Variants in PSEN1 observed in about 807,000 individuals in gnomAD.
The protein encoded by PSEN1 is presenilin 1.
A neutral mutation model predicts 53.5 loss-of-function variants in PSEN1; 15 were observed. The ratio of observed to expected loss-of-function variants is 0.28; its 90% CI spans 0.19 to 0.43. The LOEUF (loss-of-function observed/expected upper bound fraction) is 0.43. Ranked by LOEUF, PSEN1 falls within the 20% of genes least tolerant of loss-of-function variation. The pLI, the probability that PSEN1 is intolerant of heterozygous loss-of-function variation, is 1.00. For synonymous variants in PSEN1, 208 were observed against 209.8 expected (o/e 0.99, Z 0.08); for missense variants, 387 against 571.2 (o/e 0.68, Z 3.29).
intron 5 of PSEN1, among the ~76,000 whole-genome samples, chr14:73,175,742 G>T (rs1392472918): frequency 6.6e-6 from 1 of 152,124 alleles, no homozygotes; most frequent in African/African-American, 2.4e-5. Flanking sequence ...TTAAAAAACA[G>T]TAATATCTGT....
intron 1 of PSEN1, among the ~76,000 whole-genome samples, chr14:73,141,935 C>T (rs1315833150): frequency 2.0e-5 from 3 of 151,004 alleles, no homozygotes; most frequent in African/African-American, 7.3e-5. Flanking sequence ...GGCGTGGTGG[C>T]GGGCACCTGT....
At position 73,170,657 on chromosome 14, in the gene PSEN1, A is replaced by G; in HGVS notation, c.88-140A>G. ...TAGATAATCTAGACTTTTAAACTGCATACTTCCTGTACATTGTTTTTTCTT... is the reference window on the plus strand; with the variant it reads ...TAGATAATCTAGACTTTTAAACTGCGTACTTCCTGTACATTGTTTTTTCTT... On this transcript the variant is annotated intron_variant, in intron 3 of 11. Transcript: ENST00000324501. 6 of 884,744 alleles carry G rather than the reference A, an allele frequency of 6.8e-6. No individual in the cohort carries two copies. The South Asian group carries it at 9.1e-5, about 13-fold the overall frequency. The allele number at this position is 884,744 out of a possible 1,614,324, so 54.8% of individuals were successfully genotyped here.
At chr14:73,218,810 G>A (rs1489366148) in intron 11 of PSEN1, among the ~76,000 whole-genome samples, 2 of 151,532 alleles carry the variant, frequency 1.3e-5, no homozygotes, top group Admixed American at 1.3e-4. Flanking sequence ...TAAAATCACA[G>A]AGGCCAACAC....
rs972176537 is a variant in PSEN1 at position 73,185,041 on chromosome 14, A to C, written c.481-1812A>C. 6.7e-4 allele frequency among the ~76,000 whole-genome samples: 99 copies of C among 147,928 alleles called. 1 individual carries two copies. Among genetic ancestry groups the C allele is most frequent in the Admixed American group, 6.2e-3 (93 of 14,912 alleles). On this transcript the variant is annotated intron_variant, in intron 5 of 11. Coordinates refer to ENST00000324501, the MANE Select transcript of PSEN1 (RefSeq NM_000021.4). ...GGCAGAGACGCTCCTCACTTCCTAGATGTGATGGCAGCCGGGCAGAGGTGC... is the reference window on the plus strand; with the variant it reads ...GGCAGAGACGCTCCTCACTTCCTAGCTGTGATGGCAGCCGGGCAGAGGTGC...
intron 1 of PSEN1, among the ~76,000 whole-genome samples, chr14:73,147,078 T>C (rs528833403): frequency 1.3e-5 from 2 of 150,216 alleles, no homozygotes; most frequent in East Asian, 3.9e-4. Context: ...CTCCACCTCC[T>C]GGGTTCAAGC....
At chr14:73,162,447 G>GCTCTCTCT (rs35573180) in intron 3 of PSEN1, among the ~76,000 whole-genome samples, 2 of 146,112 alleles carry the variant, frequency 1.4e-5, no homozygotes, top group South Asian at 4.4e-4. Flanking sequence ...TCGCTCGCGC[G>GCTCTCTCT]CTCTCTCTCT....
chr14:73,202,464 T>TATA (rs1899263554), intron 8 of PSEN1, among the ~76,000 whole-genome samples: 7 of 19,288 alleles, frequency 3.6e-4, no homozygotes, highest in Non-Finnish European at 6.3e-4. Flanking sequence ...ATATATATAT[T>TATA]TTTTTTTTTT....
At chr14:73,202,674 G>A (rs533368800) in intron 8 of PSEN1, among the ~76,000 whole-genome samples, 163 of 150,216 alleles carry the variant, frequency 1.1e-3, no homozygotes, top group Middle Eastern at 6.8e-3. Context: ...GGGTTTCACC[G>A]TGTTAGCCAG....
intron 5 of PSEN1, among the ~76,000 whole-genome samples, chr14:73,185,180 C>A (rs1435866229): frequency 7.4e-6 from 1 of 135,516 alleles, no homozygotes; most frequent in African/African-American, 2.7e-5. Context: ...CAGGCAGAGA[C>A]GCTCCTCACT....
intron 10 of PSEN1, 62 bp from the exon 11 acceptor site, chr14:73,217,064 G>C (rs1378963075): frequency 1.9e-6 from 3 of 1,565,138 alleles, no homozygotes; most frequent in Non-Finnish European, 2.6e-6. Flanking sequence ...TGATATTTTT[G>C]AATTGTGAAA....
chr14:73,180,024 G>C (rs899752366), intron 5 of PSEN1, among the ~76,000 whole-genome samples: 6 of 150,890 alleles, frequency 4.0e-5, no homozygotes, highest in Non-Finnish European at 1.5e-5. Flanking sequence ...TCAGTCTCTC[G>C]CCCAGGCTGG....
chr14:73,140,860 C>CCTT (rs1238499339), intron 1 of PSEN1, among the ~76,000 whole-genome samples: 1 of 152,174 alleles, frequency 6.6e-6, no homozygotes, highest in Non-Finnish European at 1.5e-5. Flanking sequence ...CAGACCTCCC[C>CCTT]CAAACTCAGC....
At chr14:73,151,878 T>TTTTA (rs1321315363) in intron 3 of PSEN1, among the ~76,000 whole-genome samples, 3 of 56,908 alleles carry the variant, frequency 5.3e-5, no homozygotes, top group African/African-American at 1.8e-4. Flanking sequence ...CTAAAATATT[T>TTTTA]TATATATATA....
rs1256315148 is a variant in PSEN1, at chr14:73,222,065, T to C, written c.*2776T>C. On this transcript the variant is annotated 3_prime_UTR_variant, in exon 12 of 12. Coordinates refer to ENST00000324501, the MANE Select transcript of PSEN1 (RefSeq NM_000021.4). Reference sequence around the variant, plus strand: ...ATGCCTATGGGAATACCAATCATATTTGGAAGATTTGCAGATTTTTTTTCA... The same window carrying C: ...ATGCCTATGGGAATACCAATCATATCTGGAAGATTTGCAGATTTTTTTTCA... 3 of 152,210 alleles carry C rather than the reference T, an allele frequency of 2.0e-5. No homozygotes were observed. Among genetic ancestry groups the C allele is most frequent in the Admixed American group, 1.3e-4 (2 of 15,278 alleles). The allele number at this position is 152,210 out of a possible 1,614,324, so 9.4% of individuals were successfully genotyped here.
intron 9 of PSEN1, among the ~76,000 whole-genome samples, chr14:73,207,232 G>A (rs1411000548): frequency 6.6e-6 from 1 of 152,032 alleles, no homozygotes; most frequent in African/African-American, 2.4e-5. Flanking sequence ...ACATATTAAG[G>A]AGAACACAAG....
rs1198304796 is a variant in PSEN1, at chr14:73,184,106, A to AC, written c.481-2738dup. Among the ~76,000 whole-genome samples, 105 of 49,322 alleles carry AC rather than the reference A, an allele frequency of 2.1e-3. 5 individuals are homozygous for AC. The highest frequency in any genetic ancestry group is 4.8e-3 in the South Asian group (6 of 1,260). The allele number at this position is 49,322 out of a possible 152,430, so 32.4% of individuals were successfully genotyped here. ...GGGCGGCTGGCCGGGCGGGGGGCTG[A>AC]CCCCCCCCCACCTCCCTCCCGGACA... On this transcript the variant is annotated intron_variant, in intron 5 of 11. Transcript: ENST00000324501.
At chr14:73,148,884 C>G (rs1050561300) in intron 3 of PSEN1, among the ~76,000 whole-genome samples, 1 of 151,896 alleles carries the variant, frequency 6.6e-6, no homozygotes, top group Admixed American at 6.6e-5. Flanking sequence ...AGTGAGCTGA[C>G]GTCGCGCCAT....
intron 8 of PSEN1, among the ~76,000 whole-genome samples, chr14:73,205,478 C>CAT (rs1899419360): frequency 1.5e-5 from 1 of 64,678 alleles, no homozygotes; most frequent in African/African-American, 5.4e-5. Flanking sequence ...GACTCTGTCT[C>CAT]AAAAAAAAAA....
At chr14:73,145,658 A>G (rs1897049301) in intron 1 of PSEN1, among the ~76,000 whole-genome samples, 1 of 152,184 alleles carries the variant, frequency 6.6e-6, no homozygotes, top group African/African-American at 2.4e-5. Flanking sequence ...TTTATTGACT[A>G]CTTCACTGAA....
Sources: gnomAD v4.1 joint callset for allele counts (sites outside exome capture counted in the v4.1 genomes callset) on GRCh38, gnomAD v4.1.1 for gene constraint, MANE v1.5 for transcripts, NCBI Gene and HGNC (gene_info 2026-07-23, HGNC 2026-07-21) for gene names.